Variants in ABCA13 observed in about 807,000 individuals in gnomAD.
ABCA13 encodes the protein ATP binding cassette subfamily A member 13.
A neutral mutation model predicts 478.7 loss-of-function variants in ABCA13; 476 were observed. The observed-to-expected ratio is 0.99, with a 90% CI of 0.92 to 1.07. The LOEUF (loss-of-function observed/expected upper bound fraction) is 1.07, where lower values mean the gene tolerates loss of function less well. ABCA13 is among the 50% of genes least tolerant of loss of function. The pLI is 0.00. For missense variants in ABCA13, 6,060 were observed against 5,910.6 expected, an observed-to-expected ratio of 1.03 and a Z score of -0.83; for synonymous variants, 2,252 against 2,158.9, an observed-to-expected ratio of 1.04 and a Z score of -1.20.
Position 48,275,372 on chromosome 7 carries a change from G to A in ABCA13, c.5706G>A (p.Glu1902=). ...ELVDWNSILL[E]LSEVFHVNIS... The stretch of plus-strand genomic sequence containing the variant: ...TGGACTGGAATTCTATTCTTCTGGA[G>A]CTCTCTGAAGTCTTCCATGTTAACA... The change falls in exon 17 of 62, where the codon GAG becomes GAA. Residue 1902 remains glutamate, a synonymous_variant. Coordinates refer to ENST00000435803, the MANE Select transcript of ABCA13 (RefSeq NM_152701.5). The A allele has an allele frequency of 1.2e-6, 2 of 1,613,922 alleles. No homozygotes were observed. The highest frequency in any genetic ancestry group is 1.7e-6 in the Non-Finnish European group (2 of 1,179,868).
In ABCA13 at chr7:48,287,973, G is replaced by A. The variant is rs201492463; in HGVS notation, c.8850G>A (p.Trp2950Ter). Residue 2950 changes from tryptophan to a stop codon, truncating the protein, a stop_gained, in exon 20 of 62, where the codon TGG (tryptophan) becomes TGA (stop). Coordinates refer to ENST00000435803, the MANE Select transcript of ABCA13 (RefSeq NM_152701.5). LOFTEE classifies it high-confidence loss of function. ...VLTIVAENPS[W>*]TKDILCATLS... ...TTCCTCTGGCAGAAAACCCTTCCTGGACCAAGGACATTTTGTGTGCTACTC... is the reference window on the plus strand; with the variant it reads ...TTCCTCTGGCAGAAAACCCTTCCTGAACCAAGGACATTTTGTGTGCTACTC... 304 of 1,613,534 alleles carry A rather than the reference G, an allele frequency of 1.9e-4. No homozygotes were observed. The highest frequency in any genetic ancestry group is 3.6e-5 in the Non-Finnish European group (42 of 1,179,716).
intron 27 of ABCA13, among the ~76,000 whole-genome samples, chr7:48,333,729 C>G (rs1453550279): frequency 1.3e-5 from 2 of 152,288 alleles, no homozygotes; most frequent in Middle Eastern, 3.4e-3. Context: ...TGAGATTTCT[C>G]CAGTCCAGCT....
chr7:48,531,539 G>A (rs1380722433), intron 55 of ABCA13, among the ~76,000 whole-genome samples: 1 of 151,926 alleles, frequency 6.6e-6, no homozygotes, highest in Non-Finnish European at 1.5e-5. Flanking sequence ...AATGATGGTG[G>A]TATTTTGATG....
At chr7:48,203,173 C>G (rs1799071843) in intron 3 of ABCA13, among the ~76,000 whole-genome samples, 1 of 152,206 alleles carries the variant, frequency 6.6e-6, no homozygotes, top group Admixed American at 6.5e-5. Flanking sequence ...TCCCTCATTG[C>G]CTGGGGCCGG....
intron 56 of ABCA13, among the ~76,000 whole-genome samples, chr7:48,581,516 T>G (rs1171104186): frequency 6.6e-6 from 1 of 152,200 alleles, no homozygotes. Context: ...TGTTTATCTC[T>G]GTCAGCTCCT....
chr7:48,286,501 TTC>T (rs1797766979), intron 19 of ABCA13, among the ~76,000 whole-genome samples: 1 of 151,902 alleles, frequency 6.6e-6, no homozygotes, highest in Admixed American at 6.6e-5. Context: ...CCTTCCTTCC[TTC>T]CTTCCTTCCT....
intron 28 of ABCA13, among the ~76,000 whole-genome samples, chr7:48,337,227 T>C (rs2128948651): frequency 6.6e-6 from 1 of 152,222 alleles, no homozygotes; most frequent in Admixed American, 6.5e-5. Flanking sequence ...GATGGAGTGG[T>C]TAGAGTCTCT....
intron 55 of ABCA13, among the ~76,000 whole-genome samples, chr7:48,544,803 G>A (rs1784669544): frequency 6.6e-6 from 1 of 151,896 alleles, no homozygotes; most frequent in Non-Finnish European, 1.5e-5. Context: ...CAGAAGCTCA[G>A]GTAAAACAAC....
rs748200533 is a variant in ABCA13 at position 48,293,192 on chromosome 7, G to GCACC, written c.8956-2507_8956-2506insACCC. 2.4e-4 allele frequency among the ~76,000 whole-genome samples: 26 copies of GCACC among 108,324 alleles called. 1 individual carries two copies. The highest frequency in any genetic ancestry group is 7.3e-4 in the Admixed American group (7 of 9,626). 71.1% of individuals were successfully genotyped at this position (108,324 alleles called of 152,430 possible). A position where few individuals can be genotyped will look rare whatever the true frequency, so the allele number is the denominator to read the frequency against. On this transcript the variant is annotated intron_variant, in intron 20 of 61. Transcript: ENST00000435803. ...TTCATCATTTCCTGAGAAGTCTTCA[G>GCACC]CCCCCCCCCCGCCACACACACACTA... is the stretch of plus-strand genomic sequence containing the variant.
At chr7:48,245,703 G>T in intron 12 of ABCA13, 91 bp downstream of exon 12, 1 of 1,468,590 alleles carries the variant, frequency 6.8e-7, no homozygotes, top group African/African-American at 1.4e-5. Flanking sequence ...TTTGTGAATT[G>T]TGCTAGCTAA....
Position 48,489,314 on chromosome 7 carries a change from C to G in ABCA13, c.13261C>G (p.Leu4421Val). 1 of 1,611,602 alleles carries G rather than the reference C, an allele frequency of 6.2e-7. No homozygotes were observed. Among genetic ancestry groups the G allele is most frequent in the Non-Finnish European group, 8.5e-7 (1 of 1,178,182 alleles). ...HLNNLILWQH[L>V]PPTVDWRQYG... ...AAACAACCTTATTTTGTGGCAGCACCTACCCCCTACTGTGGACTGGAGACA... is the reference window on the plus strand; with the variant it reads ...AAACAACCTTATTTTGTGGCAGCACGTACCCCCTACTGTGGACTGGAGACA... Residue 4421 changes from leucine (L) to valine (V), a missense_variant, in exon 48 of 62, where the codon CTA becomes GTA. Physicochemically the swap from Leu to Val is conservative, Grantham distance 32. Coordinates refer to ENST00000435803, the MANE Select transcript of ABCA13 (RefSeq NM_152701.5).
chr7:48,558,153 C>T (rs1585802105), intron 55 of ABCA13, among the ~76,000 whole-genome samples: 1 of 121,514 alleles, frequency 8.2e-6, no homozygotes. Context: ...CTTTCTCCAT[C>T]CCTCCCTCCC....
At chr7:48,235,793 G>T (rs1234348726) in intron 8 of ABCA13, among the ~76,000 whole-genome samples, 1 of 152,156 alleles carries the variant, frequency 6.6e-6, no homozygotes, top group Non-Finnish European at 1.5e-5. Flanking sequence ...AGGTATGTAT[G>T]GGAGTTCACA....
chr7:48,519,496 A>C (rs972188290), intron 52 of ABCA13, among the ~76,000 whole-genome samples: 4 of 152,222 alleles, frequency 2.6e-5, no homozygotes, highest in Admixed American at 2.0e-4. Context: ...ATCACAGTTT[A>C]TATGATGACA....
chr7:48,646,591 C>T lies in ABCA13; in HGVS notation c.*1079C>T, dbSNP rs1055542362. ...CTGGAGTGCAGTGGCGCGATGTCGGCTCACTGCAAGCTCCGCCTCCTGGGT... is the reference window on the plus strand; with the variant it reads ...CTGGAGTGCAGTGGCGCGATGTCGGTTCACTGCAAGCTCCGCCTCCTGGGT... On this transcript the variant is annotated 3_prime_UTR_variant, in exon 62 of 62. Coordinates refer to ENST00000435803, the MANE Select transcript of ABCA13 (RefSeq NM_152701.5). 3.9e-5 allele frequency: 6 copies of T among 151,994 alleles called. No individual in the cohort carries two copies. The highest frequency in any genetic ancestry group is 9.7e-5 in the African/African-American group (4 of 41,366). 9.4% of individuals were successfully genotyped at this position (151,994 alleles called of 1,614,324 possible).
rs2130973444 is a variant in ABCA13 at position 48,520,228 on chromosome 7, C to T, written c.13985C>T (p.Ala4662Val). The change falls in exon 53 of 62, where the codon GCC becomes GTC. Residue 4662 changes from alanine (A) to valine (V), a missense_variant. By Grantham distance (64) the Ala-to-Val change is moderately conservative (BLOSUM62 0). Coordinates refer to ENST00000435803, the MANE Select transcript of ABCA13 (RefSeq NM_152701.5). The part of the protein sequence containing the change: ...NFLGWIFVQL[A>V]SQGTVLLLLR... ...CTGGGCTGGATCTTCGTGCAACTGGCCTCGCAGGGCACAGTACTTCTCCTC... is the reference window on the plus strand; with the variant it reads ...CTGGGCTGGATCTTCGTGCAACTGGTCTCGCAGGGCACAGTACTTCTCCTC... 1 of 1,613,578 alleles carries T rather than the reference C, an allele frequency of 6.2e-7. No homozygotes were observed. Among genetic ancestry groups the T allele is most frequent in the Admixed American group, 1.7e-5 (1 of 59,984 alleles).
chr7:48,427,535 C>T (rs899968438), intron 41 of ABCA13, among the ~76,000 whole-genome samples: 1 of 152,206 alleles, frequency 6.6e-6, no homozygotes, highest in Non-Finnish European at 1.5e-5. Flanking sequence ...CCGTGAGGGT[C>T]TGGGAGTTCA....
At chr7:48,229,012 A>G (rs184612594) in intron 6 of ABCA13, among the ~76,000 whole-genome samples, 23 of 152,310 alleles carry the variant, frequency 1.5e-4, no homozygotes, top group African/African-American at 5.3e-4. Context: ...TGCAAGTGGT[A>G]CCAGGTTTCA....
intron 47 of ABCA13, among the ~76,000 whole-genome samples, chr7:48,487,859 C>A (rs1034832236): frequency 2.6e-5 from 4 of 152,302 alleles, no homozygotes; most frequent in African/African-American, 9.6e-5. Context: ...GGGTGGATGA[C>A]ATGGACACAC....
Sources: gnomAD v4.1 joint callset for allele counts (sites outside exome capture counted in the v4.1 genomes callset) on GRCh38, gnomAD v4.1.1 for gene constraint, MANE v1.5 for transcripts, NCBI Gene and HGNC (gene_info 2026-07-23, HGNC 2026-07-21) for gene names.